MACROD2: variants seen among roughly 807,000 people sequenced by gnomAD.
The protein encoded by MACROD2 is mono-ADP ribosylhydrolase 2.
MACROD2 carries 36 observed loss-of-function variants against 70.4 expected under a neutral mutation model. The observed-to-expected ratio is 0.51, with a 90% confidence interval of 0.39 to 0.68. The LOEUF (loss-of-function observed/expected upper bound fraction) is 0.68. Ranked by LOEUF, MACROD2 falls within the 30% of genes least tolerant of loss-of-function variation. The probability of loss-of-function intolerance (pLI) is 0.00; values close to 1 mark genes in which losing one functional copy is unlikely to be tolerated. For missense variants in MACROD2, 496 were observed against 538.4 expected, an observed-to-expected ratio of 0.92 and a Z score of 0.78; for synonymous variants, 172 against 178.8, an observed-to-expected ratio of 0.96 and a Z score of 0.30.
intron 5 of MACROD2, among the ~76,000 whole-genome samples, chr20:15,139,551 G>A (rs1293572500): frequency 6.6e-6 from 1 of 152,076 alleles, no homozygotes; most frequent in East Asian, 1.9e-4. Flanking sequence ...ACCTTGGGAT[G>A]GGCTAAGGAT....
intron 6 of MACROD2, among the ~76,000 whole-genome samples, chr20:15,416,394 A>T (rs997448828): frequency 1.3e-5 from 2 of 152,170 alleles, no homozygotes; most frequent in Non-Finnish European, 2.9e-5. Context: ...AGTGTGCATT[A>T]GCCTTGACTG....
intron 8 of MACROD2, 75 bp downstream of exon 8, chr20:15,499,922 T>C: frequency 1.5e-6 from 2 of 1,374,632 alleles, no homozygotes; most frequent in Non-Finnish European, 2.1e-6. Context: ...AAAAAGCACA[T>C]AAATTTTATA....
At chr20:14,286,169 T>A (rs186327934) in intron 3 of MACROD2, among the ~76,000 whole-genome samples, 1 of 152,242 alleles carries the variant, frequency 6.6e-6, no homozygotes, top group Non-Finnish European at 1.5e-5. Context: ...AAAATTACTA[T>A]CAACATTATA....
intron 3 of MACROD2, among the ~76,000 whole-genome samples, chr20:14,371,524 T>A (rs1169640488): frequency 2.0e-5 from 3 of 152,122 alleles, no homozygotes; most frequent in African/African-American, 7.2e-5. Flanking sequence ...ATAACTTTGA[T>A]CATATTTTGT....
At chr20:15,502,289 T>C (rs1424221787) in intron 8 of MACROD2, among the ~76,000 whole-genome samples, 1 of 152,052 alleles carries the variant, frequency 6.6e-6, no homozygotes, top group East Asian at 1.9e-4. Context: ...GTTAAAACAT[T>C]CCACACAGAG....
intron 5 of MACROD2, among the ~76,000 whole-genome samples, chr20:14,987,603 A>G (rs188805580): frequency 6.2e-4 from 95 of 152,290 alleles, no homozygotes; most frequent in Non-Finnish European, 1.1e-3. Flanking sequence ...AATATATTCC[A>G]GGCTCTAAAA....
chr20:15,829,557 A>T (rs1053574844), intron 8 of MACROD2, among the ~76,000 whole-genome samples: 3 of 152,168 alleles, frequency 2.0e-5, no homozygotes, highest in Non-Finnish European at 4.4e-5. Flanking sequence ...AAGATTCTCA[A>T]GTAGGCTCCA....
At chr20:14,190,224 A>G (rs1253538065) in intron 3 of MACROD2, among the ~76,000 whole-genome samples, 1 of 152,172 alleles carries the variant, frequency 6.6e-6, no homozygotes, top group African/African-American at 2.4e-5. Flanking sequence ...TTCTAAGAGT[A>G]CTACTAACTC....
intron 3 of MACROD2, among the ~76,000 whole-genome samples, chr20:14,265,454 T>C (rs1478690315): frequency 6.6e-6 from 1 of 152,194 alleles, no homozygotes; most frequent in African/African-American, 2.4e-5. Context: ...TGACTCAATA[T>C]ACACTCTTAT....
intron 15 of MACROD2, among the ~76,000 whole-genome samples, chr20:16,018,049 C>T (rs2066952380): frequency 6.6e-6 from 1 of 152,144 alleles, no homozygotes; most frequent in African/African-American, 2.4e-5. Context: ...CATGAAGCTA[C>T]AGAAAGGCCT....
At chr20:15,751,565 C>T (rs1451101934) in intron 8 of MACROD2, among the ~76,000 whole-genome samples, 1 of 151,816 alleles carries the variant, frequency 6.6e-6, no homozygotes, top group Non-Finnish European at 1.5e-5. Context: ...ACAAGAGATG[C>T]TTCCCTTTTA....
chr20:15,334,016 C>T (rs2078021415), intron 6 of MACROD2, among the ~76,000 whole-genome samples: 1 of 151,590 alleles, frequency 6.6e-6, no homozygotes. Context: ...TATTACAAAG[C>T]TATTGTAGGT....
At chr20:14,302,994 A>G (rs1044718581) in intron 3 of MACROD2, among the ~76,000 whole-genome samples, 4 of 152,106 alleles carry the variant, frequency 2.6e-5, no homozygotes, top group African/African-American at 7.2e-5. Flanking sequence ...ATTATTTTGC[A>G]TTCACTGAAA....
rs1365925257 is a variant in MACROD2, at chr20:15,461,740, C to T, written c.571+30305C>T. ...CACTCACTTGGTCCTCAGAAAATAT[C>T]TATTGAATAAAATGAACTCTTGCAG... is the stretch of plus-strand genomic sequence containing the variant. On this transcript the variant is annotated intron_variant, in intron 7 of 17. Transcript: ENST00000684519. 2.6e-5 allele frequency among the ~76,000 whole-genome samples: 4 copies of T among 152,170 alleles called. No individual in the cohort carries two copies. The East Asian group carries it at 7.7e-4, about 29-fold the overall frequency.
At position 15,140,923 on chromosome 20, in the gene MACROD2, C is replaced by T. The variant is rs532331247; in HGVS notation, c.419-89017C>T. Among the ~76,000 whole-genome samples the T allele has an allele frequency of 7.2e-5, 11 of 152,282 alleles. No individual in the cohort carries two copies. In the East Asian group the frequency reaches 1.9e-3, roughly 27 times the overall value. On this transcript the variant is annotated intron_variant, in intron 5 of 17. Transcript: ENST00000684519. ...CACATTTTGTAAACCAGGTTTTAGT[C>T]GCAGTATGCACCATACTGACCAAAT...
In MACROD2 at chr20:14,255,786, T is replaced by C. The variant is rs184616583; in HGVS notation, c.271+170058T>C. 3.9e-4 allele frequency among the ~76,000 whole-genome samples: 60 copies of C among 152,166 alleles called. No individual in the cohort carries two copies. In the East Asian group the frequency reaches 7.1e-3, roughly 18 times the overall value. ...CCAGGAAGTCAGCTGTAACTCTCAT[T>C]GTAGCTCTTTGAAAGTAATATGTCT... On this transcript the variant is annotated intron_variant, in intron 3 of 17. Transcript: ENST00000684519.
intron 6 of MACROD2, among the ~76,000 whole-genome samples, chr20:15,391,306 T>C (rs565285793): frequency 6.6e-6 from 1 of 152,342 alleles, no homozygotes; most frequent in South Asian, 2.1e-4. Flanking sequence ...AAGCAAAATA[T>C]TTAATGGCAG....
intron 5 of MACROD2, among the ~76,000 whole-genome samples, chr20:14,942,529 C>T (rs1460886812): frequency 2.0e-5 from 3 of 152,084 alleles, no homozygotes; most frequent in African/African-American, 2.4e-5. Context: ...ACAGAATTTG[C>T]GGTCAGCAAG....
chr20:15,451,670 G>GCA (rs1208126456), intron 7 of MACROD2, among the ~76,000 whole-genome samples: 2 of 152,048 alleles, frequency 1.3e-5, no homozygotes, highest in African/African-American at 4.8e-5. Flanking sequence ...GCAGCAAGGG[G>GCA]CACCCTACAC....
Sources: allele counts gnomAD v4.1 joint callset (sites outside exome capture counted in the v4.1 genomes callset), GRCh38; gene constraint gnomAD v4.1.1; transcripts MANE v1.5; gene names NCBI Gene and HGNC (gene_info 2026-07-23, HGNC 2026-07-21).